The following ROCK2 variants were observed in gnomAD, a reference collection of about 807,000 sequenced individuals.
The protein encoded by ROCK2 is Rho associated coiled-coil containing protein kinase 2.
In ROCK2, 61 loss-of-function variants were observed where a neutral mutation model predicts 195.1. The ratio of observed to expected loss-of-function variants is 0.31; its 90% CI spans 0.25 to 0.39. The LOEUF is 0.39. ROCK2 is among the 10% of genes least tolerant of loss of function. The probability of loss-of-function intolerance (pLI) is 1.00; values close to 1 mark genes in which losing one functional copy is unlikely to be tolerated. For synonymous variants in ROCK2, 504 were observed against 545.5 expected, an observed-to-expected ratio of 0.92 and a Z score of 1.06; for missense variants, 1,109 against 1,637.4, an observed-to-expected ratio of 0.68 and a Z score of 5.57.
In ROCK2 at chr2:11,221,236, C is replaced by G. The variant is rs1664627695; in HGVS notation, c.1221G>C (p.Gln407His). Residue 407 changes from glutamine (Q) to histidine (H), a missense_variant, in exon 9 of 33, where the codon CAG (glutamine) becomes CAC (histidine). Around this residue, in one of 6 missense-constraint regions of ROCK2, gnomAD observed 253 missense variants for 455.5 expected, o/e 0.56. Transcript: ENST00000315872. ...AGTAGGTAAATCCGATGAAAGGCAG[C>G]TGATTTCCAACAAAAGCTTTAGGAA... ...FPIPKAFVGN[Q>H]LPFIGFTYYR... is the part of the protein sequence containing the mutation. 2 of 1,581,090 alleles carry G rather than the reference C, an allele frequency of 1.3e-6. No individual in the cohort carries two copies.
intron 1 of ROCK2, among the ~76,000 whole-genome samples, chr2:11,295,993 GAGAGAGAGAGAGGA>G: frequency 2.9e-5 from 1 of 34,674 alleles, no homozygotes; most frequent in African/African-American, 9.8e-5. Flanking sequence ...AGAGAGAGGA[GAGAGAGAGAGAGGA>G]GAGAGAGAGA....
At chr2:11,311,362 T>G (rs1230796921) in intron 1 of ROCK2, among the ~76,000 whole-genome samples, 1 of 152,138 alleles carries the variant, frequency 6.6e-6, no homozygotes, top group Non-Finnish European at 1.5e-5. Flanking sequence ...TAAAGTTGAC[T>G]ACAAAGTTGC....
chr2:11,260,215 A>G (rs1469358860), intron 3 of ROCK2, among the ~76,000 whole-genome samples: 2 of 151,216 alleles, frequency 1.3e-5, no homozygotes, highest in Non-Finnish European at 2.9e-5. Context: ...TGGGAGGCTG[A>G]GGCAGGTGTA....
At chr2:11,270,750 T>A (rs1666597990) in intron 3 of ROCK2, among the ~76,000 whole-genome samples, 1 of 152,268 alleles carries the variant, frequency 6.6e-6, no homozygotes, top group Non-Finnish European at 1.5e-5. Flanking sequence ...ACTCTATTCA[T>A]GCATGCTATT....
At chr2:11,307,868 CG>C (rs1241101457) in intron 1 of ROCK2, among the ~76,000 whole-genome samples, 4 of 152,040 alleles carry the variant, frequency 2.6e-5, no homozygotes, top group Non-Finnish European at 4.4e-5. Context: ...CAACTATCGG[CG>C]AAAAATGGGC....
At chr2:11,229,558 G>A (rs1221428607) in intron 5 of ROCK2, among the ~76,000 whole-genome samples, 3 of 144,092 alleles carry the variant, frequency 2.1e-5, no homozygotes, top group East Asian at 2.1e-4. Context: ...GAAACTTCAC[G>A]TATCCAAAAA....
chr2:11,289,746 C>T (rs1290687027), intron 1 of ROCK2, among the ~76,000 whole-genome samples: 1 of 152,148 alleles, frequency 6.6e-6, no homozygotes, highest in Non-Finnish European at 1.5e-5. Context: ...CTTGCTCCCC[C>T]GTATCTTCCC....
At chr2:11,255,943 A>G (rs1253537378) in intron 3 of ROCK2, among the ~76,000 whole-genome samples, 2 of 148,068 alleles carry the variant, frequency 1.4e-5, no homozygotes, top group Non-Finnish European at 3.0e-5. Flanking sequence ...AAAAAAAAAA[A>G]AAAAAAAAAA....
chr2:11,317,627 T>TTTTTTTTTTTTTTTTTTTA (rs1192587957), intron 1 of ROCK2, among the ~76,000 whole-genome samples: 1 of 31,440 alleles, frequency 3.2e-5, no homozygotes, highest in Non-Finnish European at 7.1e-5. Flanking sequence ...TTTTTTTTTT[T>TTTTTTTTTTTTTTTTTTTA]AATTATACTT....
intron 20 of ROCK2, among the ~76,000 whole-genome samples, chr2:11,206,595 A>G (rs978997118): frequency 2.0e-5 from 3 of 152,244 alleles, no homozygotes; most frequent in Non-Finnish European, 2.9e-5. Flanking sequence ...GCTCAGCAAA[A>G]AGAACAAAGT....
chr2:11,256,313 G>A (rs78138429), intron 3 of ROCK2, among the ~76,000 whole-genome samples: 3,502 of 151,148 alleles, frequency 0.023, 157 homozygotes, highest in East Asian at 0.052. Flanking sequence ...TCCTGATAGT[G>A]AGTTCTCATG....
At chr2:11,212,120 C>T (rs890870788) in intron 17 of ROCK2, among the ~76,000 whole-genome samples, 1 of 151,952 alleles carries the variant, frequency 6.6e-6, no homozygotes, top group African/African-American at 2.4e-5. Flanking sequence ...TCATTAAACA[C>T]TGCCTACACT....
In ROCK2 at chr2:11,181,107, G is replaced by C. The variant is rs1662967829; in HGVS notation, c.*2330C>G. The C allele has an allele frequency of 6.8e-6, 1 of 148,040 alleles. No individual in the cohort carries two copies. The highest frequency in any genetic ancestry group is 1.5e-5 in the Non-Finnish European group (1 of 67,366). The allele number at this position is 148,040 out of a possible 1,614,324, so 9.2% of individuals were successfully genotyped here. ...TACAGCATTCCAAATTTAAACTTTTGCCTTTTTTACTCAAATATTTCAGTT... is the reference window on the plus strand; with the variant it reads ...TACAGCATTCCAAATTTAAACTTTTCCCTTTTTTACTCAAATATTTCAGTT... On this transcript the variant is annotated 3_prime_UTR_variant, in exon 33 of 33. Transcript: ENST00000315872.
chr2:11,326,858 C>T (rs570822271), intron 1 of ROCK2, among the ~76,000 whole-genome samples: 2 of 152,264 alleles, frequency 1.3e-5, no homozygotes, highest in South Asian at 4.2e-4. Context: ...AGTCAAGTAA[C>T]AGGAAATATA....
intron 17 of ROCK2, among the ~76,000 whole-genome samples, chr2:11,213,066 A>G (rs1664302397): frequency 6.6e-6 from 1 of 152,206 alleles, no homozygotes; most frequent in Non-Finnish European, 1.5e-5. Context: ...GCCATATCTA[A>G]TCAACTATTA....
At chr2:11,203,400 TAAC>T (rs1476124524) in intron 20 of ROCK2, among the ~76,000 whole-genome samples, 2 of 151,846 alleles carry the variant, frequency 1.3e-5, no homozygotes, top group Non-Finnish European at 2.9e-5. Context: ...GAAGGAGAAA[TAAC>T]AAATTGTTGA....
At chr2:11,189,549 A>C (rs937239910) in intron 32 of ROCK2, among the ~76,000 whole-genome samples, 1 of 152,320 alleles carries the variant, frequency 6.6e-6, no homozygotes, top group East Asian at 1.9e-4. Flanking sequence ...CACACTTTCA[A>C]ATAATGTCTT....
chr2:11,228,365 T>C (rs1664884734), intron 5 of ROCK2, among the ~76,000 whole-genome samples: 1 of 152,198 alleles, frequency 6.6e-6, no homozygotes, highest in South Asian at 2.1e-4. Flanking sequence ...TAAAACTTGT[T>C]ATAGAAAAGA....
chr2:11,249,581 T>C (rs905711200), intron 4 of ROCK2, 80 bp downstream of exon 4: 10 of 1,133,196 alleles, frequency 8.8e-6, no homozygotes, highest in Non-Finnish European at 9.5e-6. Context: ...AGCATAAGAC[T>C]TGGCACACAA....
Sources: allele counts gnomAD v4.1 joint callset (sites outside exome capture counted in the v4.1 genomes callset), GRCh38; gene constraint gnomAD v4.1.1; regional missense constraint gnomAD v4.1.1; transcripts MANE v1.5; gene names NCBI Gene and HGNC (gene_info 2026-07-23, HGNC 2026-07-21).